TRDMT1: variants seen among roughly 807,000 people sequenced by gnomAD.
TRDMT1 encodes the protein tRNA aspartic acid methyltransferase 1.
TRDMT1 carries 49 observed loss-of-function variants against 51.2 expected under a neutral mutation model. That is an observed-to-expected ratio of 0.96 (90% confidence interval 0.76 to 1.21). The LOEUF (loss-of-function observed/expected upper bound fraction) is 1.21, where lower values mean the gene tolerates loss of function less well. TRDMT1 is among the 50% of genes most tolerant of loss of function. The pLI is 0.00. For synonymous variants in TRDMT1, 187 were observed against 164.6 expected (o/e 1.14, Z -1.04); for missense variants, 534 against 462.3 (o/e 1.16, Z -1.42).
intron 1 of TRDMT1, among the ~76,000 whole-genome samples, chr10:17,180,864 T>C (rs1306588059): frequency 6.6e-6 from 1 of 152,172 alleles, no homozygotes; most frequent in African/African-American, 2.4e-5. Flanking sequence ...ATTTTTCCTA[T>C]TTCAGAACTC....
chr10:17,174,169 A>G lies in TRDMT1; in HGVS notation c.174+382T>C, dbSNP rs182199452. Among the ~76,000 whole-genome samples the G allele has an allele frequency of 3.9e-4, 59 of 152,380 alleles. No homozygotes were observed. The East Asian group carries it at 9.6e-3, about 25-fold the overall frequency. ...TAACCTTGACAGGTTTGCTAAAATA[A>G]GAAGCATTCAGTAAAAGCCAATGAT... On this transcript the variant is annotated intron_variant, in intron 2 of 10. Transcript: ENST00000377799.
intron 8 of TRDMT1, among the ~76,000 whole-genome samples, chr10:17,157,233 T>C (rs774157526): frequency 6.6e-6 from 1 of 152,190 alleles, no homozygotes; most frequent in Non-Finnish European, 1.5e-5. Flanking sequence ...TTATGAGCAC[T>C]TTTGTGGGTG....
chr10:17,149,663 C>G (rs940809339), intron 10 of TRDMT1, among the ~76,000 whole-genome samples: 1 of 152,072 alleles, frequency 6.6e-6, no homozygotes, highest in African/African-American at 2.4e-5. Flanking sequence ...CTCCCGGCCC[C>G]CAACCATTAA....
chr10:17,193,201 T>C (rs1844931585), intron 1 of TRDMT1, among the ~76,000 whole-genome samples: 1 of 152,050 alleles, frequency 6.6e-6, no homozygotes, highest in Non-Finnish European at 1.5e-5. Flanking sequence ...CCGTCTCTAC[T>C]AAAAATACAA....
chr10:17,140,854 A>G lies in TRDMT1; in HGVS notation c.*8186T>C, dbSNP rs982193870. Among the ~76,000 whole-genome samples, 5 of 152,242 alleles carry G rather than the reference A, an allele frequency of 3.3e-5. No individual in the cohort carries two copies. Among genetic ancestry groups the G allele is most frequent in the African/African-American group, 1.2e-4 (5 of 41,464 alleles). The stretch of plus-strand genomic sequence containing the variant: ...TTTTTAGATGAATAATTTCACAGTT[A>G]TAATCATTAGCTATACGTTAGGTGT... On this transcript the variant is annotated 3_prime_UTR_variant, in exon 11 of 11. Transcript: ENST00000377799.
At chr10:17,183,510 TG>T (rs2131569108) in intron 1 of TRDMT1, among the ~76,000 whole-genome samples, 1 of 152,262 alleles carries the variant, frequency 6.6e-6, no homozygotes, top group Non-Finnish European at 1.5e-5. Context: ...CTCCACCTCC[TG>T]GGTTCAAGTG....
rs1838166360 is a variant in TRDMT1 at position 17,146,952 on chromosome 10, T to C, written c.*2088A>G. The stretch of plus-strand genomic sequence containing the variant: ...TATGAATTAAGGGCAAGAATCACCG[T>C]CTTCCTGTGAATACATTCCCATAAT... On this transcript the variant is annotated 3_prime_UTR_variant, in exon 11 of 11. Transcript: ENST00000377799. 1 of 985,476 alleles carries C rather than the reference T, an allele frequency of 1.0e-6. No individual in the cohort carries two copies. Among genetic ancestry groups the C allele is most frequent in the Non-Finnish European group, 1.2e-6 (1 of 829,926 alleles). 61.0% of individuals were successfully genotyped at this position (985,476 alleles called of 1,614,324 possible).
chr10:17,162,093 G>A lies in TRDMT1; in HGVS notation c.323+73C>T, dbSNP rs141176968. On this transcript the variant is annotated intron_variant, in intron 4 of 10. Transcript: ENST00000377799. ...TATAAATGGCTATCCTCTACAAAATGACAAACGTCACATTCTTCCAGACCT... is the reference window on the plus strand; with the variant it reads ...TATAAATGGCTATCCTCTACAAAATAACAAACGTCACATTCTTCCAGACCT... The A allele has an allele frequency of 2.7e-5, 37 of 1,352,014 alleles. No homozygotes were observed. In the African/African-American group the frequency reaches 4.8e-4, roughly 18 times the overall value. 83.8% of individuals were successfully genotyped at this position (1,352,014 alleles called of 1,614,324 possible).
Position 17,143,270 on chromosome 10 carries a change from G to C in TRDMT1, c.*5770C>G. 1 of 984,934 alleles carries C rather than the reference G, an allele frequency of 1.0e-6. No homozygotes were observed. The highest frequency in any genetic ancestry group is 1.2e-6 in the Non-Finnish European group (1 of 829,506). 61.0% of individuals were successfully genotyped at this position (984,934 alleles called of 1,614,324 possible). On this transcript the variant is annotated 3_prime_UTR_variant, in exon 11 of 11. Transcript: ENST00000377799. ...TTTATTGAGTGCTTACTATGTGCCAGTACTGTTTTAAGTCACTGGGGGGAC... is the reference window on the plus strand; with the variant it reads ...TTTATTGAGTGCTTACTATGTGCCACTACTGTTTTAAGTCACTGGGGGGAC...
chr10:17,149,178 A>G (rs1182645109), intron 10 of TRDMT1, 38 bp from the exon 11 acceptor site: 2 of 1,515,068 alleles, frequency 1.3e-6, no homozygotes, highest in Non-Finnish European at 1.8e-6. Flanking sequence ...AATCATTTGT[A>G]ATCACAATTT....
chr10:17,149,228 G>A (rs375499422), intron 10 of TRDMT1, 88 bp from the exon 11 acceptor site: 43 of 1,001,668 alleles, frequency 4.3e-5, no homozygotes, highest in Middle Eastern at 3.1e-4. Flanking sequence ...AGGGCACAGC[G>A]GTCATTTCAT....
rs1837704046 is a variant in TRDMT1, at chr10:17,141,665, C to G, written c.*7375G>C. Among the ~76,000 whole-genome samples the G allele has an allele frequency of 6.6e-6, 1 of 152,132 alleles. No homozygotes were observed. The highest frequency in any genetic ancestry group is 2.4e-5 in the African/African-American group (1 of 41,442). ...CCCTATCATTTAGATCAGGTAAATTCTACTGATCCGTCCTTAGGTTCACTG... is the reference window on the plus strand; with the variant it reads ...CCCTATCATTTAGATCAGGTAAATTGTACTGATCCGTCCTTAGGTTCACTG... On this transcript the variant is annotated 3_prime_UTR_variant, in exon 11 of 11. Transcript: ENST00000377799.
At chr10:17,167,202 T>G (rs1841338600) in intron 3 of TRDMT1, among the ~76,000 whole-genome samples, 1 of 152,304 alleles carries the variant, frequency 6.6e-6, no homozygotes, top group Non-Finnish European at 1.5e-5. Flanking sequence ...CCACAAATCC[T>G]TGGGAAATTC....
chr10:17,180,832 A>G (rs1843197902), intron 1 of TRDMT1, among the ~76,000 whole-genome samples: 1 of 152,216 alleles, frequency 6.6e-6, no homozygotes. Flanking sequence ...AAACAGTATG[A>G]AAGATGGATA....
At position 17,159,358 on chromosome 10, in the gene TRDMT1, T is replaced by A. The variant is rs1564571119; in HGVS notation, c.460-129A>T. ...ACATTTAGCTTCTACCACAGCAAAA[T>A]TTGCTACGGATTTGTAGAAGACTCC... On this transcript the variant is annotated intron_variant, in intron 6 of 10. Coordinates refer to ENST00000377799, the MANE Select transcript of TRDMT1 (RefSeq NM_004412.7). 6 of 552,990 alleles carry A rather than the reference T, an allele frequency of 1.1e-5. No individual in the cohort carries two copies. The East Asian group carries it at 1.8e-4, about 16-fold the overall frequency. 34.3% of individuals were successfully genotyped at this position (552,990 alleles called of 1,614,324 possible). A position where few individuals can be genotyped will look rare whatever the true frequency, so the allele number is the denominator to read the frequency against.
chr10:17,168,980 G>A lies in TRDMT1; in HGVS notation c.175-63C>T, dbSNP rs546608073. On this transcript the variant is annotated intron_variant, in intron 2 of 10. Coordinates refer to ENST00000377799, the MANE Select transcript of TRDMT1 (RefSeq NM_004412.7). ...AAACATGGATAGAATGGGGAAGAGGGAAAATACTAACTATAATTAAATATA... is the reference window on the plus strand; with the variant it reads ...AAACATGGATAGAATGGGGAAGAGGAAAAATACTAACTATAATTAAATATA... 2.6e-5 allele frequency: 27 copies of A among 1,023,176 alleles called. No individual in the cohort carries two copies. In the South Asian group the frequency reaches 3.9e-4, roughly 15 times the overall value. The allele number at this position is 1,023,176 out of a possible 1,614,324, so 63.4% of individuals were successfully genotyped here. A position where few individuals can be genotyped will look rare whatever the true frequency, so the allele number is the denominator to read the frequency against.
At position 17,143,786 on chromosome 10, in the gene TRDMT1, A is replaced by G. The variant is rs1336654910; in HGVS notation, c.*5254T>C. On this transcript the variant is annotated 3_prime_UTR_variant, in exon 11 of 11. Transcript: ENST00000377799. The stretch of plus-strand genomic sequence containing the variant: ...CCAATGGAATGCAGAGTGAGAAGGA[A>G]GGTGAAGATGATCTTTGGTTATGAA... The G allele has an allele frequency of 1.0e-6, 1 of 985,458 alleles. No individual in the cohort carries two copies. Among genetic ancestry groups the G allele is most frequent in the Non-Finnish European group, 1.2e-6 (1 of 829,934 alleles). 61.0% of individuals were successfully genotyped at this position (985,458 alleles called of 1,614,324 possible). A position where few individuals can be genotyped will look rare whatever the true frequency, so the allele number is the denominator to read the frequency against.
intron 1 of TRDMT1, among the ~76,000 whole-genome samples, chr10:17,183,773 G>A (rs1244222212): frequency 7.9e-5 from 12 of 152,058 alleles, no homozygotes; most frequent in Non-Finnish European, 8.8e-5. Context: ...CTCTTATTTT[G>A]GAACGAAAGA....
chr10:17,199,887 G>C (rs2131643497), intron 1 of TRDMT1, among the ~76,000 whole-genome samples: 1 of 152,232 alleles, frequency 6.6e-6, no homozygotes, highest in Middle Eastern at 3.4e-3. Flanking sequence ...TTGGCTAATA[G>C]GAGAGAAAAT....
Sources: gnomAD v4.1 joint callset for allele counts (sites outside exome capture counted in the v4.1 genomes callset) on GRCh38, gnomAD v4.1.1 for gene constraint, MANE v1.5 for transcripts, NCBI Gene and HGNC (gene_info 2026-07-23, HGNC 2026-07-21) for gene names.